The following FBXL17 variants were observed in gnomAD, a reference collection of about 807,000 sequenced individuals.
The protein encoded by FBXL17 is F-box/LRR-repeat protein 17.
FBXL17 carries 22 observed loss-of-function variants against 66.2 expected under a neutral mutation model. The ratio of observed to expected loss-of-function variants is 0.33; its 90% CI spans 0.24 to 0.47. The LOEUF (loss-of-function observed/expected upper bound fraction) is 0.47. Among genes scored for constraint, FBXL17 ranks in the 20% least tolerant of loss-of-function variants. The pLI is 1.00. For synonymous variants in FBXL17, 474 were observed against 400.5 expected (o/e 1.18, Z -2.19); for missense variants, 878 against 948.2 (o/e 0.93, Z 0.97).
intron 6 of FBXL17, among the ~76,000 whole-genome samples, chr5:108,133,315 T>C (rs1349580029): frequency 6.6e-6 from 1 of 152,164 alleles, no homozygotes; most frequent in Non-Finnish European, 1.5e-5. Context: ...CAACTAGTAC[T>C]ATGCATGGGA....
chr5:108,300,977 A>T (rs1758564310), intron 4 of FBXL17, among the ~76,000 whole-genome samples: 2 of 151,868 alleles, frequency 1.3e-5, no homozygotes, highest in African/African-American at 4.8e-5. Context: ...TAGATCACAG[A>T]GAATAAAATA....
At chr5:108,200,378 G>C (rs1056202452) in intron 5 of FBXL17, among the ~76,000 whole-genome samples, 26 of 151,946 alleles carry the variant, frequency 1.7e-4, no homozygotes, top group Admixed American at 2.6e-4. Context: ...AAGGAGGAAG[G>C]GGGGCACAGG....
At chr5:108,253,509 T>C (rs1034444823) in intron 4 of FBXL17, among the ~76,000 whole-genome samples, 1 of 152,130 alleles carries the variant, frequency 6.6e-6, no homozygotes, top group African/African-American at 2.4e-5. Flanking sequence ...TCTCATAAAA[T>C]TATATTCCTC....
chr5:108,055,280 GAA>G (rs1000211060), intron 6 of FBXL17, among the ~76,000 whole-genome samples: 6 of 23,708 alleles, frequency 2.5e-4, no homozygotes, highest in Admixed American at 1.3e-3. Context: ...AGAATTTTTA[GAA>G]AAAAAAAAAA....
At chr5:108,311,847 AGAGATAATGGCC>A in intron 4 of FBXL17, among the ~76,000 whole-genome samples, 1 of 152,328 alleles carries the variant, frequency 6.6e-6, no homozygotes, top group Middle Eastern at 3.4e-3. Flanking sequence ...AGAGAAGAAG[AGAGATAATGGCC>A]CAGTGCCAGG....
At chr5:108,309,281 A>G (rs929532083) in intron 4 of FBXL17, among the ~76,000 whole-genome samples, 5 of 152,076 alleles carry the variant, frequency 3.3e-5, no homozygotes, top group African/African-American at 1.2e-4. Context: ...ACATACATTT[A>G]TATCTGTACA....
chr5:108,294,968 C>T lies in FBXL17; in HGVS notation c.1506+53431G>A, dbSNP rs577270751. ...TTTTAAATTTAAGAGTCTACTTTTA[C>T]AGATAAGGTGTCAATTTACTTTTGT... On this transcript the variant is annotated intron_variant, in intron 4 of 8. Transcript: ENST00000542267. 7.9e-5 allele frequency among the ~76,000 whole-genome samples: 12 copies of T among 152,058 alleles called. No individual in the cohort carries two copies. In the East Asian group the frequency reaches 1.7e-3, roughly 22 times the overall value.
intron 4 of FBXL17, among the ~76,000 whole-genome samples, chr5:108,262,568 C>T (rs562917327): frequency 6.6e-5 from 10 of 152,250 alleles, no homozygotes; most frequent in South Asian, 4.1e-4. Flanking sequence ...ACATTAATGA[C>T]TTCCTAATGC....
At chr5:108,005,152 G>A (rs1002193349) in intron 7 of FBXL17, among the ~76,000 whole-genome samples, 14 of 150,338 alleles carry the variant, frequency 9.3e-5, no homozygotes, top group Non-Finnish European at 5.9e-5. Flanking sequence ...ATAGGCACAA[G>A]CAAGATTCTG....
chr5:108,216,012 G>C (rs1316584742), intron 5 of FBXL17, among the ~76,000 whole-genome samples: 1 of 152,154 alleles, frequency 6.6e-6, no homozygotes, highest in Non-Finnish European at 1.5e-5. Flanking sequence ...ATAGATGTGT[G>C]AGTTTATTTC....
At chr5:108,247,417 G>T (rs1580686494) in intron 4 of FBXL17, among the ~76,000 whole-genome samples, 1 of 152,112 alleles carries the variant, frequency 6.6e-6, no homozygotes, top group East Asian at 1.9e-4. Context: ...TTCTGGCTTT[G>T]CCCTAGACAG....
intron 6 of FBXL17, among the ~76,000 whole-genome samples, chr5:108,153,616 T>G (rs1690831380): frequency 6.6e-6 from 1 of 152,100 alleles, no homozygotes; most frequent in African/African-American, 2.4e-5. Context: ...ACCCCACAGT[T>G]CCATGATCAG....
chr5:108,190,345 T>C (rs1340899060), intron 5 of FBXL17, among the ~76,000 whole-genome samples: 1 of 152,194 alleles, frequency 6.6e-6, no homozygotes, highest in African/African-American at 2.4e-5. Context: ...AGTTTTGATG[T>C]GGCCACTCTT....
chr5:108,340,289 GC>G (rs1044100300), intron 4 of FBXL17, among the ~76,000 whole-genome samples: 61 of 151,840 alleles, frequency 4.0e-4, no homozygotes, highest in Non-Finnish European at 7.9e-4. Flanking sequence ...GGTGGCTGAT[GC>G]CTACAATCCC....
chr5:108,328,723 G>T lies in FBXL17; in HGVS notation c.1506+19676C>A, dbSNP rs532373615. 1.3e-4 allele frequency among the ~76,000 whole-genome samples: 20 copies of T among 151,930 alleles called. No homozygotes were observed. The East Asian group carries it at 3.5e-3, about 26-fold the overall frequency. On this transcript the variant is annotated intron_variant, in intron 4 of 8. Coordinates refer to ENST00000542267, the MANE Select transcript of FBXL17 (RefSeq NM_001163315.3). Reference sequence around the variant, plus strand: ...ATGCACTTTTTTTTATGAGAACAAGGATTATTTGGGCCTCTTTCTTATATA... The same window carrying T: ...ATGCACTTTTTTTTATGAGAACAAGTATTATTTGGGCCTCTTTCTTATATA...
chr5:108,368,858 C>A (rs1253745666), intron 1 of FBXL17, among the ~76,000 whole-genome samples: 2 of 150,258 alleles, frequency 1.3e-5, no homozygotes, highest in African/African-American at 4.9e-5. Context: ...AAGGCGGGAA[C>A]TGTATCAGGC....
chr5:108,272,638 GCT>G (rs1438082531), intron 4 of FBXL17, among the ~76,000 whole-genome samples: 1 of 152,098 alleles, frequency 6.6e-6, no homozygotes, highest in Non-Finnish European at 1.5e-5. Flanking sequence ...ACAGGCATAA[GCT>G]ACCACACCCG....
intron 7 of FBXL17, among the ~76,000 whole-genome samples, chr5:107,965,128 A>C (rs572343376): frequency 6.6e-6 from 1 of 152,290 alleles, no homozygotes; most frequent in East Asian, 1.9e-4. Flanking sequence ...GGGTAAGTAC[A>C]TACTAAAGTC....
At chr5:107,992,820 T>C (rs562789000) in intron 7 of FBXL17, among the ~76,000 whole-genome samples, 4 of 152,164 alleles carry the variant, frequency 2.6e-5, no homozygotes, top group Non-Finnish European at 5.9e-5. Flanking sequence ...AAATACCAAA[T>C]AGCATGTCCT....
Sources: gnomAD v4.1 joint callset for allele counts (sites outside exome capture counted in the v4.1 genomes callset) on GRCh38, gnomAD v4.1.1 for gene constraint, MANE v1.5 for transcripts, NCBI Gene and HGNC (gene_info 2026-07-23, HGNC 2026-07-21) for gene names.